ZNF136: variants seen among roughly 807,000 people sequenced by gnomAD.
The protein encoded by ZNF136 is zinc finger protein 136, also known as zinc finger protein 136 (clone pHZ-20).
A neutral mutation model predicts 11.4 loss-of-function variants in ZNF136; 8 were observed. The observed-to-expected ratio is 0.70, with a 90% CI of 0.41 to 1.27. The LOEUF (loss-of-function observed/expected upper bound fraction) is 1.27, where lower values mean the gene tolerates loss of function less well. Ranked by LOEUF, ZNF136 falls within the 50% of genes most tolerant of loss-of-function variation. The pLI is 0.01. For synonymous variants in ZNF136, 190 were observed against 207.1 expected, an observed-to-expected ratio of 0.92 and a Z score of 0.71; for missense variants, 590 against 656.5, an observed-to-expected ratio of 0.90 and a Z score of 1.11.
intron 1 of ZNF136, among the ~76,000 whole-genome samples, chr19:12,170,537 G>A (rs763956193): frequency 9.2e-5 from 14 of 151,934 alleles, no homozygotes; most frequent in African/African-American, 1.2e-4. Context: ...ACAGGCGTGT[G>A]CCACATGCCT....
At position 12,163,175 on chromosome 19, in the gene ZNF136, A is replaced by G; in HGVS notation, c.-29A>G. On this transcript the variant is annotated 5_prime_UTR_variant, in exon 1 of 4. Transcript: ENST00000343979. ...TGTACCTGCCTTGGGATCCGGAGGG[A>G]GGAAGCTGGGACACCCGGGAGTCAG... The G allele has an allele frequency of 1.4e-6, 2 of 1,398,120 alleles. No homozygotes were observed. Among genetic ancestry groups the G allele is most frequent in the Non-Finnish European group, 1.9e-6 (2 of 1,069,084 alleles). The allele number at this position is 1,398,120 out of a possible 1,614,324, so 86.6% of individuals were successfully genotyped here.
At chr19:12,179,477 A>G (rs1223997797) in intron 1 of ZNF136, among the ~76,000 whole-genome samples, 1 of 151,720 alleles carries the variant, frequency 6.6e-6, no homozygotes, top group Non-Finnish European at 1.5e-5. Context: ...TGCCTGGTTA[A>G]TTTTTGTATT....
rs1478555105 is a variant in ZNF136 at position 12,185,834 on chromosome 19, G to A, written c.53G>A (p.Trp18Ter). 2 of 1,613,988 alleles carry A rather than the reference G, an allele frequency of 1.2e-6. No individual in the cohort carries two copies. Among genetic ancestry groups the A allele is most frequent in the Admixed American group, 1.7e-5 (1 of 59,940 alleles). Residue 18 changes from tryptophan to a stop codon, truncating the protein, a stop_gained, in exon 2 of 4, where the codon TGG (tryptophan) becomes TAG (stop). Transcript: ENST00000343979. LOFTEE classifies it high-confidence loss of function. ...GATGTGAACTTCACCCAGGAGGAGTGGGCTTTGCTAGATCCTTCCCAGAAG... is the reference window on the plus strand; with the variant it reads ...GATGTGAACTTCACCCAGGAGGAGTAGGCTTTGCTAGATCCTTCCCAGAAG... ...DVDVNFTQEE[W>*]ALLDPSQKNL...
Position 12,188,243 on chromosome 19 carries a change from T to C in ZNF136, c.*242T>C, listed in dbSNP as rs1915169787. The C allele has an allele frequency of 2.8e-6, 1 of 358,730 alleles. No individual in the cohort carries two copies. Among genetic ancestry groups the C allele is most frequent in the East Asian group, 4.4e-5 (1 of 22,916 alleles). The allele number at this position is 358,730 out of a possible 1,614,324, so 22.2% of individuals were successfully genotyped here. On this transcript the variant is annotated 3_prime_UTR_variant, in exon 4 of 4. Coordinates refer to ENST00000343979, the MANE Select transcript of ZNF136 (RefSeq NM_003437.5). ...CAAATGCTTTTTGGAAAGGAACCCA[T>C]ATTTGAGAGAAACCCTGGGTAAAGG...
Position 12,186,097 on chromosome 19 carries a change from C to T in ZNF136, c.131-17C>T. The stretch of plus-strand genomic sequence containing the variant: ...AATTTTGCACTAATTCAGAATTTTT[C>T]TGGGTCTCTGTTTTAGGGAAAAAAT... On this transcript the variant is annotated splice_polypyrimidine_tract_variant and intron_variant, in intron 2 of 3. Transcript: ENST00000343979. 2.5e-6 allele frequency: 4 copies of T among 1,604,154 alleles called. No individual in the cohort carries two copies. Among genetic ancestry groups the T allele is most frequent in the Non-Finnish European group, 3.4e-6 (4 of 1,177,404 alleles).
intron 1 of ZNF136, among the ~76,000 whole-genome samples, chr19:12,172,384 A>G (rs572392821): frequency 3.3e-5 from 5 of 152,178 alleles, no homozygotes; most frequent in African/African-American, 1.2e-4. Flanking sequence ...CTTTCAAGGG[A>G]TATTTCTTCA....
chr19:12,186,963 A>G lies in ZNF136; in HGVS notation c.585A>G (p.Pro195=). 6.2e-7 allele frequency: 1 copy of G among 1,614,132 alleles called. No homozygotes were observed. The highest frequency in any genetic ancestry group is 8.5e-7 in the Non-Finnish European group (1 of 1,180,002). The change falls in exon 4 of 4, where the codon CCA becomes CCG. Residue 195 remains proline (P), a synonymous_variant. Transcript: ENST00000343979. Reference sequence around the variant, plus strand: ...TCATCACACACAGTGGATATACACCATATAAATGTAAGGTGTGTGGGAAAG... The same window carrying G: ...TCATCACACACAGTGGATATACACCGTATAAATGTAAGGTGTGTGGGAAAG... ...RHIITHSGYT[P]YKCKVCGKAF...
chr19:12,180,182 TA>T (rs955912550), intron 1 of ZNF136, among the ~76,000 whole-genome samples: 1 of 152,218 alleles, frequency 6.6e-6, no homozygotes, highest in African/African-American at 2.4e-5. Flanking sequence ...TGATAATTTT[TA>T]AAAGTCTCCC....
intron 1 of ZNF136, among the ~76,000 whole-genome samples, chr19:12,180,216 G>C (rs1003729635): frequency 2.0e-5 from 3 of 152,210 alleles, no homozygotes; most frequent in African/African-American, 7.2e-5. Context: ...TTAGGCTAAT[G>C]CCTCTAGGAA....
At chr19:12,183,325 A>G (rs1914992844) in intron 1 of ZNF136, among the ~76,000 whole-genome samples, 1 of 151,664 alleles carries the variant, frequency 6.6e-6, no homozygotes, top group Non-Finnish European at 1.5e-5. Flanking sequence ...TTGTAGAGAT[A>G]GGGTTTCACC....
In ZNF136 at chr19:12,187,942, C is replaced by A; in HGVS notation, c.1564C>A (p.His522Asn). Reference protein sequence around the residue: ...AYSCRASFQRHMLTHAEDGPP... With the variant: ...AYSCRASFQRNMLTHAEDGPP... ...TTCTTGCCGTGCCAGCTTTCAGAGACACATGTTAACACATGCTGAAGATGG... is the reference window on the plus strand; with the variant it reads ...TTCTTGCCGTGCCAGCTTTCAGAGAAACATGTTAACACATGCTGAAGATGG... The change falls in exon 4 of 4, where the codon CAC (histidine) becomes AAC (asparagine). Residue 522 changes from histidine (H) to asparagine (N), a missense_variant. His to Asn is a moderately conservative substitution (Grantham distance 68). Coordinates refer to ENST00000343979, the MANE Select transcript of ZNF136 (RefSeq NM_003437.5). 6.4e-7 allele frequency: 1 copy of A among 1,553,286 alleles called. No individual in the cohort carries two copies. Among genetic ancestry groups the A allele is most frequent in the Non-Finnish European group, 8.6e-7 (1 of 1,157,228 alleles).
chr19:12,170,302 C>T (rs1226122086), intron 1 of ZNF136, among the ~76,000 whole-genome samples: 2 of 152,180 alleles, frequency 1.3e-5, no homozygotes, highest in Admixed American at 6.5e-5. Flanking sequence ...GGTTACTAAC[C>T]ATTCCACTGC....
rs576651649 is a variant in ZNF136, at chr19:12,173,713, C to T, written c.3+10507C>T. 2.8e-4 allele frequency among the ~76,000 whole-genome samples: 43 copies of T among 152,196 alleles called. 1 individual carries two copies. Among genetic ancestry groups the T allele is most frequent in the African/African-American group, 9.6e-4 (40 of 41,516 alleles). On this transcript the variant is annotated intron_variant, in intron 1 of 3. Coordinates refer to ENST00000343979, the MANE Select transcript of ZNF136 (RefSeq NM_003437.5). Reference sequence around the variant, plus strand: ...GAGCCAAAAAAGGGTGTTATGGGACCCTCAATTTGAAGCCTGTTGGTCAGA... The same window carrying T: ...GAGCCAAAAAAGGGTGTTATGGGACTCTCAATTTGAAGCCTGTTGGTCAGA...
intron 1 of ZNF136, among the ~76,000 whole-genome samples, chr19:12,171,446 T>C (rs1914651457): frequency 6.6e-6 from 1 of 152,242 alleles, no homozygotes; most frequent in African/African-American, 2.4e-5. Context: ...TGTGATTACA[T>C]GTTGCTTTTT....
intron 1 of ZNF136, among the ~76,000 whole-genome samples, chr19:12,177,567 G>C (rs1040921644): frequency 6.6e-6 from 1 of 152,062 alleles, no homozygotes; most frequent in African/African-American, 2.4e-5. Flanking sequence ...TAGGCTGCTC[G>C]TGAACTCCTG....
intron 1 of ZNF136, among the ~76,000 whole-genome samples, chr19:12,178,728 C>T (rs879752430): frequency 9.9e-5 from 15 of 152,034 alleles, no homozygotes; most frequent in Non-Finnish European, 1.6e-4. Flanking sequence ...GGGTGGCTCA[C>T]GCCTGTAATC....
In ZNF136 at chr19:12,163,134, CTG is replaced by C. The variant is rs1362525642; in HGVS notation, c.-67_-66del. On this transcript the variant is annotated 5_prime_UTR_variant, in exon 1 of 4. Coordinates refer to ENST00000343979, the MANE Select transcript of ZNF136 (RefSeq NM_003437.5). ...GCCCAGAGTGGCTCGCCTGGAGTCT[CTG>C]TGGCGCGGTTTCCTGTACCTGCCTT... is the stretch of plus-strand genomic sequence containing the variant. 70 of 1,391,452 alleles carry C rather than the reference CTG, an allele frequency of 5.0e-5. No homozygotes were observed. Among genetic ancestry groups the C allele is most frequent in the Non-Finnish European group, 6.4e-5 (68 of 1,065,396 alleles). 86.2% of individuals were successfully genotyped at this position (1,391,452 alleles called of 1,614,324 possible).
intron 1 of ZNF136, among the ~76,000 whole-genome samples, chr19:12,172,882 C>T (rs1014611254): frequency 4.6e-5 from 7 of 151,976 alleles, no homozygotes; most frequent in Admixed American, 2.6e-4. Context: ...TGTGATGGTG[C>T]GTGCCTGTAA....
At chr19:12,186,302 A>G (rs761010940) in intron 3 of ZNF136, 128 bp downstream of exon 3, 20 of 1,034,150 alleles carry the variant, frequency 1.9e-5, no homozygotes, top group Non-Finnish European at 2.6e-5. Context: ...ATTTTCCCCA[A>G]ATACATATTC....
Sources: gnomAD v4.1 joint callset for allele counts (sites outside exome capture counted in the v4.1 genomes callset) on GRCh38, gnomAD v4.1.1 for gene constraint, MANE v1.5 for transcripts, NCBI Gene and HGNC (gene_info 2026-07-23, HGNC 2026-07-21) for gene names.